KDM3B: variants seen among roughly 807,000 people sequenced by gnomAD.
KDM3B encodes the protein lysine demethylase 3B, also known as lysine-specific demethylase 3B.
A neutral mutation model predicts 170.0 loss-of-function variants in KDM3B; 10 were observed. The ratio of observed to expected loss-of-function variants is 0.06; its 90% CI spans 0.04 to 0.10. The LOEUF (loss-of-function observed/expected upper bound fraction) is 0.10. Ranked by LOEUF, KDM3B falls within the 10% of genes least tolerant of loss-of-function variation. The probability of loss-of-function intolerance (pLI) is 1.00; values close to 1 mark genes in which losing one functional copy is unlikely to be tolerated. For synonymous variants in KDM3B, 831 were observed against 834.8 expected (o/e 1.00, Z 0.08); for missense variants, 1,394 against 2,195.2 (o/e 0.64, Z 7.29).
chr5:138,376,567 C>A (rs1403111815), intron 3 of KDM3B, among the ~76,000 whole-genome samples: 1 of 151,680 alleles, frequency 6.6e-6, no homozygotes, highest in Admixed American at 6.6e-5. Context: ...AGCTGGGTGT[C>A]GTGGTGGACG....
At position 138,391,321 on chromosome 5, in the gene KDM3B, C is replaced by A; in HGVS notation, c.1689C>A (p.Ser563Arg). ...ACTCATTCAAACAAAGCCTTGAGAG[C>A]CTGAGCTCAGGCCTGTGTAAAGGCA... ...SRDSFKQSLE[S>R]LSSGLCKGRS... Residue 563 changes from serine (S) to arginine (R), a missense_variant, in exon 8 of 24, where the codon AGC becomes AGA. Transcript: ENST00000314358. The surrounding 1 kb of genome is among the most constrained non-coding windows in gnomAD (Gnocchi z 5.0). The A allele has an allele frequency of 6.2e-7, 1 of 1,614,140 alleles. No homozygotes were observed. Among genetic ancestry groups the A allele is most frequent in the Non-Finnish European group, 8.5e-7 (1 of 1,180,014 alleles).
intron 1 of KDM3B, among the ~76,000 whole-genome samples, chr5:138,365,252 T>C (rs568338297): frequency 6.6e-6 from 1 of 152,262 alleles, no homozygotes; most frequent in African/African-American, 2.4e-5. Flanking sequence ...CATACAGGAT[T>C]CTTTTTTTTC....
intron 20 of KDM3B, 138 bp downstream of exon 20, chr5:138,428,224 G>A (rs1280089884): frequency 1.9e-5 from 17 of 910,270 alleles, no homozygotes; most frequent in South Asian, 3.5e-5. Flanking sequence ...TTTGGGGGGC[G>A]GGGAGGCAGA....
rs374134280 is a variant in KDM3B, at chr5:138,396,318, A to G, written c.2832-1860A>G. On this transcript the variant is annotated intron_variant, in intron 9 of 23. Transcript: ENST00000314358. ...CACCGTGTTAGCCAGGATGGTCTTG[A>G]TCTCCTGACCTCGTGATCCGCCCGC... 3.4e-4 allele frequency among the ~76,000 whole-genome samples: 52 copies of G among 151,744 alleles called. No individual in the cohort carries two copies. In the East Asian group the frequency reaches 7.8e-3, roughly 23 times the overall value.
chr5:138,414,585 A>G (rs1763055819), intron 11 of KDM3B, among the ~76,000 whole-genome samples: 1 of 152,164 alleles, frequency 6.6e-6, no homozygotes, highest in Admixed American at 6.5e-5. Context: ...CTATGTCATG[A>G]TTGTGGTAGT....
At chr5:138,384,488 A>G (rs1762205503) in intron 6 of KDM3B, among the ~76,000 whole-genome samples, 1 of 152,026 alleles carries the variant, frequency 6.6e-6, no homozygotes, top group East Asian at 1.9e-4. Flanking sequence ...TTGTAATTCC[A>G]GCACTTTGGG....
At position 138,391,188 on chromosome 5, in the gene KDM3B, C is replaced by G. The variant is rs778964614; in HGVS notation, c.1556C>G (p.Thr519Ser). ...CSSAQEAQKDTDLSKNLFFQC... is the reference protein window; with the variant it reads ...CSSAQEAQKDSDLSKNLFFQC... Reference sequence around the variant, plus strand: ...TCTGCACAAGAGGCACAGAAAGACACTGATCTCTCCAAAAACTTGTTTTTT... The same window carrying G: ...TCTGCACAAGAGGCACAGAAAGACAGTGATCTCTCCAAAAACTTGTTTTTT... The change falls in exon 8 of 24, where the codon ACT (threonine) becomes AGT (serine). Residue 519 changes from threonine to serine, a missense_variant. Physicochemically the swap from Thr to Ser is moderately conservative, Grantham distance 58 (BLOSUM62 1). Around this residue, in one of 19 missense-constraint regions of KDM3B, gnomAD observed 294 missense variants for 311.7 expected, o/e 0.94. Transcript: ENST00000314358. The surrounding 1 kb of genome is among the most constrained non-coding windows in gnomAD (Gnocchi z 5.0). 6.2e-7 allele frequency: 1 copy of G among 1,613,984 alleles called. No homozygotes were observed. Among genetic ancestry groups the G allele is most frequent in the Non-Finnish European group, 8.5e-7 (1 of 1,179,984 alleles).
intron 7 of KDM3B, among the ~76,000 whole-genome samples, chr5:138,390,107 T>C (rs1244476900): frequency 1.3e-5 from 2 of 151,906 alleles, no homozygotes; most frequent in African/African-American, 4.8e-5. Flanking sequence ...GATCCGCCCA[T>C]GTCAGCCTCC....
chr5:138,404,040 A>C lies in KDM3B; in HGVS notation c.3199+4028A>C, dbSNP rs573491870. 6.0e-4 allele frequency among the ~76,000 whole-genome samples: 92 copies of C among 152,166 alleles called. 1 individual carries two copies. The highest frequency in any genetic ancestry group is 2.2e-4 in the Non-Finnish European group (15 of 68,016). ...ATGTAGAAGAAAAAAAAAAGACTAAACTTGCAGACATTGACAAAAGAAGCT... is the reference window on the plus strand; with the variant it reads ...ATGTAGAAGAAAAAAAAAAGACTAACCTTGCAGACATTGACAAAAGAAGCT... On this transcript the variant is annotated intron_variant, in intron 11 of 23. Transcript: ENST00000314358.
intron 20 of KDM3B, among the ~76,000 whole-genome samples, chr5:138,428,484 T>C (rs1280197789): frequency 6.6e-6 from 1 of 152,228 alleles, no homozygotes; most frequent in Non-Finnish European, 1.5e-5. Context: ...GTGCTGGGAT[T>C]ACAGGCGTCA....
intron 13 of KDM3B, among the ~76,000 whole-genome samples, chr5:138,418,462 A>G (rs570991880): frequency 6.6e-6 from 1 of 152,324 alleles, no homozygotes; most frequent in African/African-American, 2.4e-5. Flanking sequence ...ATCGTTGATG[A>G]TAAGAGGCAC....
intron 6 of KDM3B, among the ~76,000 whole-genome samples, chr5:138,385,670 C>T (rs1377225572): frequency 3.9e-5 from 6 of 152,248 alleles, no homozygotes. Context: ...TGAGTTATTT[C>T]ATCAAGGGGT....
chr5:138,368,235 CTTTTTTTT>C (rs111379967), intron 1 of KDM3B, among the ~76,000 whole-genome samples: 1 of 139,972 alleles, frequency 7.1e-6, no homozygotes, highest in Non-Finnish European at 1.6e-5. Flanking sequence ...TTCTTTCTTT[CTTTTTTTT>C]TTTTTTGGAG....
intron 11 of KDM3B, 34 bp from the exon 12 acceptor site, chr5:138,415,098 C>T: frequency 6.9e-7 from 1 of 1,452,924 alleles, no homozygotes; most frequent in Non-Finnish European, 9.5e-7. Context: ...TTTTTGTGAC[C>T]CTTATAAAAT....
chr5:138,419,254 G>C, intron 14 of KDM3B, 22 bp downstream of exon 14: 1 of 1,606,026 alleles, frequency 6.2e-7, no homozygotes, highest in Non-Finnish European at 8.5e-7. Context: ...ACAAACCTCT[G>C]CTCTGCCTAT....
Position 138,400,737 on chromosome 5 carries a change from A to T in KDM3B, c.3199+725A>T, listed in dbSNP as rs763250644. On this transcript the variant is annotated intron_variant, in intron 11 of 23. Transcript: ENST00000314358. ...GCACTCCAGCCTGGACAACAGAGTG[A>T]GACCTGTCTAAAAATCAATTAAAGT... 3.3e-5 allele frequency among the ~76,000 whole-genome samples: 4 copies of T among 122,368 alleles called. No homozygotes were observed. In the South Asian group the frequency reaches 1.4e-3, roughly 44 times the overall value. 80.3% of individuals were successfully genotyped at this position (122,368 alleles called of 152,430 possible). A position where few individuals can be genotyped will look rare whatever the true frequency, so the allele number is the denominator to read the frequency against.
At chr5:138,372,993 C>T (rs1167380788) in intron 2 of KDM3B, 152 bp downstream of exon 2, 1 of 649,024 alleles carries the variant, frequency 1.5e-6, no homozygotes, top group Non-Finnish European at 2.4e-6. Flanking sequence ...TAGGAGCAGT[C>T]TTTTCTCCTT....
At chr5:138,425,172 G>GT (rs1763363529) in intron 16 of KDM3B, among the ~76,000 whole-genome samples, 1 of 152,182 alleles carries the variant, frequency 6.6e-6, no homozygotes. Flanking sequence ...ACAATGGTAG[G>GT]TATTAGGGCA....
chr5:138,428,122 A>T, intron 20 of KDM3B, 36 bp downstream of exon 20: 1 of 1,598,486 alleles, frequency 6.3e-7, no homozygotes. Flanking sequence ...TAGGATGGTG[A>T]GGCTTTGTCT....
Sources: gnomAD v4.1 joint callset for allele counts (sites outside exome capture counted in the v4.1 genomes callset) on GRCh38, gnomAD v4.1.1 for gene constraint, gnomAD v4.1.1 regional missense constraint, Gnocchi (gnomAD v3.1) non-coding constraint, MANE v1.5 for transcripts, NCBI Gene and HGNC (gene_info 2026-07-23, HGNC 2026-07-21) for gene names.